ZNF490: variants seen among roughly 807,000 people sequenced by gnomAD.
The protein encoded by ZNF490 is zinc finger protein 490.
Under a neutral mutation model 17.7 loss-of-function variants are expected in ZNF490, and 11 were observed. The ratio of observed to expected loss-of-function variants is 0.62; its 90% CI spans 0.39 to 1.03. The LOEUF is 1.03. Ranked by LOEUF, ZNF490 falls within the 50% of genes least tolerant of loss-of-function variation. The pLI, the probability that ZNF490 is intolerant of heterozygous loss-of-function variation, is 0.00. For synonymous variants in ZNF490, 222 were observed against 216.1 expected, an observed-to-expected ratio of 1.03 and a Z score of -0.24; for missense variants, 542 against 643.4, an observed-to-expected ratio of 0.84 and a Z score of 1.71.
chr19:12,583,045 ATTTTT>A (rs142050281), intron 3 of ZNF490, 135 bp from the exon 4 acceptor site: 10 of 590,186 alleles, frequency 1.7e-5, no homozygotes, highest in East Asian at 3.3e-5. Context: ...CTCTTCCCAC[ATTTTT>A]TTTTTTTTTT....
chr19:12,597,070 G>T (rs1293478724), intron 2 of ZNF490: 4 of 456,648 alleles, frequency 8.8e-6, no homozygotes, highest in Non-Finnish European at 1.8e-5. Context: ...AGCTGCGCCA[G>T]GGGGACTCGG....
At chr19:12,598,607 T>C (rs55868075) in intron 2 of ZNF490, among the ~76,000 whole-genome samples, 9 of 150,540 alleles carry the variant, frequency 6.0e-5, no homozygotes, top group African/African-American at 2.2e-4. Context: ...CTCCCAACCT[T>C]AGGTTGGGAT....
Position 12,578,402 on chromosome 19 carries a change from G to A in ZNF490, c.*2083C>T. ...GGAGAGTGGATGCTGTGTGGTCAAG[G>A]GGTGTGTGTCCCATGATACAGGCTC... is the stretch of plus-strand genomic sequence containing the variant. On this transcript the variant is annotated 3_prime_UTR_variant, in exon 5 of 5. Coordinates refer to ENST00000311437, the MANE Select transcript of ZNF490 (RefSeq NM_020714.3). 3.0e-6 allele frequency: 3 copies of A among 985,524 alleles called. No individual in the cohort carries two copies. The highest frequency in any genetic ancestry group is 3.6e-6 in the Non-Finnish European group (3 of 830,002). The allele number at this position is 985,524 out of a possible 1,614,324, so 61.0% of individuals were successfully genotyped here.
At position 12,585,032 on chromosome 19, in the gene ZNF490, C is replaced by G. The variant is rs1181977872; in HGVS notation, c.163-1476G>C. On this transcript the variant is annotated intron_variant, in intron 2 of 4. Coordinates refer to ENST00000311437, the MANE Select transcript of ZNF490 (RefSeq NM_020714.3). ...CAGGCAAAGCTGTGTAACTCTCAAGCACTTGTGAAGTGGCTTCGGAGAGCA... is the reference window on the plus strand; with the variant it reads ...CAGGCAAAGCTGTGTAACTCTCAAGGACTTGTGAAGTGGCTTCGGAGAGCA... Among the ~76,000 whole-genome samples the G allele has an allele frequency of 3.2e-5, 3 of 93,638 alleles. 1 individual carries two copies. The highest frequency in any genetic ancestry group is 4.1e-4 in the East Asian group (2 of 4,876). The allele number at this position is 93,638 out of a possible 152,430, so 61.4% of individuals were successfully genotyped here. A position where few individuals can be genotyped will look rare whatever the true frequency, so the allele number is the denominator to read the frequency against.
In ZNF490 at chr19:12,609,534, A is replaced by G. The variant is rs192059511; in HGVS notation, c.118-332T>C. Among the ~76,000 whole-genome samples, 136 of 152,258 alleles carry G rather than the reference A, an allele frequency of 8.9e-4. 2 individuals carry two copies. The highest frequency in any genetic ancestry group is 1.1e-3 in the Admixed American group (17 of 15,268). Reference sequence around the variant, plus strand: ...CCGAAGGAGCTAGGACTACAGGTGAACACCATACCCAGCTAATTTTTAAAA... The same window carrying G: ...CCGAAGGAGCTAGGACTACAGGTGAGCACCATACCCAGCTAATTTTTAAAA... On this transcript the variant is annotated intron_variant, in intron 1 of 4. Transcript: ENST00000311437.
chr19:12,606,732 T>C (rs2023072629), intron 2 of ZNF490, among the ~76,000 whole-genome samples: 1 of 152,132 alleles, frequency 6.6e-6, no homozygotes, highest in South Asian at 2.1e-4. Context: ...GGAAGATTTT[T>C]ATTTTAATGA....
intron 2 of ZNF490, among the ~76,000 whole-genome samples, chr19:12,601,966 C>G (rs956874872): frequency 1.3e-5 from 2 of 151,478 alleles, no homozygotes; most frequent in Non-Finnish European, 2.9e-5. Flanking sequence ...TGCACTCCAG[C>G]CTGGGCGAGA....
intron 2 of ZNF490, among the ~76,000 whole-genome samples, chr19:12,589,637 G>GT (rs1462656900): frequency 2.7e-5 from 4 of 150,096 alleles, no homozygotes; most frequent in African/African-American, 9.8e-5. Context: ...GCTATTCAGA[G>GT]GCGCCGTCAT....
At chr19:12,605,665 A>T (rs1482739001) in intron 2 of ZNF490, among the ~76,000 whole-genome samples, 2 of 152,114 alleles carry the variant, frequency 1.3e-5, no homozygotes, top group African/African-American at 4.8e-5. Context: ...ATTTGCAGTG[A>T]GGGGCATTCT....
At chr19:12,590,157 C>G (rs550350681) in intron 2 of ZNF490, among the ~76,000 whole-genome samples, 3 of 151,804 alleles carry the variant, frequency 2.0e-5, no homozygotes, top group African/African-American at 7.3e-5. Context: ...CCTTGTGATA[C>G]GCCCGTCTCA....
chr19:12,588,816 C>G (rs1459514652), intron 2 of ZNF490, among the ~76,000 whole-genome samples: 1 of 152,158 alleles, frequency 6.6e-6, no homozygotes, highest in Non-Finnish European at 1.5e-5. Flanking sequence ...TGAAAACCCA[C>G]AAATATTTGG....
In ZNF490 at chr19:12,576,381, C is replaced by T. The variant is rs2022635072; in HGVS notation, c.*4104G>A. Among the ~76,000 whole-genome samples, 1 of 151,968 alleles carries T rather than the reference C, an allele frequency of 6.6e-6. No individual in the cohort carries two copies. The highest frequency in any genetic ancestry group is 2.4e-5 in the African/African-American group (1 of 41,346). ...ACTAGCTCGGTATGGTGGCACGCGC[C>T]TGTAATCCCAGCTACTCAGGAGGCT... On this transcript the variant is annotated 3_prime_UTR_variant, in exon 5 of 5. Coordinates refer to ENST00000311437, the MANE Select transcript of ZNF490 (RefSeq NM_020714.3).
At chr19:12,595,167 G>C (rs929358630) in intron 2 of ZNF490, among the ~76,000 whole-genome samples, 1 of 151,866 alleles carries the variant, frequency 6.6e-6, no homozygotes, top group Admixed American at 6.6e-5. Flanking sequence ...TTGAGACCGA[G>C]TTTCGCTCTT....
intron 2 of ZNF490, among the ~76,000 whole-genome samples, chr19:12,606,285 T>C (rs1184258847): frequency 6.6e-6 from 1 of 151,816 alleles, no homozygotes; most frequent in Admixed American, 6.6e-5. Context: ...CTCCAACTCT[T>C]GGACTCAAGG....
chr19:12,584,629 G>C (rs1231591033), intron 2 of ZNF490, among the ~76,000 whole-genome samples: 2 of 94,196 alleles, frequency 2.1e-5, no homozygotes, highest in African/African-American at 6.4e-5. Context: ...GTCAAATCTG[G>C]ATGAGATTTT....
At chr19:12,582,158 C>G (rs553395319) in intron 4 of ZNF490, among the ~76,000 whole-genome samples, 1 of 152,282 alleles carries the variant, frequency 6.6e-6, no homozygotes, top group East Asian at 1.9e-4. Context: ...GCCTCAGCCT[C>G]CCAAAGTGCT....
intron 2 of ZNF490, among the ~76,000 whole-genome samples, chr19:12,583,809 ATATTTTTT>A (rs1230917293): frequency 5.7e-5 from 6 of 105,136 alleles, no homozygotes; most frequent in Admixed American, 1.1e-4. Context: ...ATATATATAT[ATATTTTTT>A]TTTTTTTTTT....
At position 12,600,695 on chromosome 19, in the gene ZNF490, T is replaced by G. The variant is rs546901756; in HGVS notation, c.162+8463A>C. Among the ~76,000 whole-genome samples the G allele has an allele frequency of 3.3e-4, 51 of 152,290 alleles. 1 individual carries two copies. The South Asian group carries it at 0.01, about 31-fold the overall frequency. On this transcript the variant is annotated intron_variant, in intron 2 of 4. Coordinates refer to ENST00000311437, the MANE Select transcript of ZNF490 (RefSeq NM_020714.3). ...ACCCTAAAACTTTGTCATCCATAAA[T>G]AATTGTTGTCTTGTCTTGGTCCTCT...
At position 12,580,245 on chromosome 19, in the gene ZNF490, A is replaced by G. The variant is rs12608649; in HGVS notation, c.*240T>C. 2.3e-6 allele frequency: 3 copies of G among 1,282,716 alleles called. No homozygotes were observed. Among genetic ancestry groups the G allele is most frequent in the East Asian group, 5.9e-5 (2 of 34,150 alleles). The allele number at this position is 1,282,716 out of a possible 1,614,324, so 79.5% of individuals were successfully genotyped here. On this transcript the variant is annotated 3_prime_UTR_variant, in exon 5 of 5. Transcript: ENST00000311437. ...GTGAAGGCTTTCCTACACTCCATACATTCGTAGCTTTTCTGTCCATGGAGT... is the reference window on the plus strand; with the variant it reads ...GTGAAGGCTTTCCTACACTCCATACGTTCGTAGCTTTTCTGTCCATGGAGT...
Sources: gnomAD v4.1 joint callset for allele counts (sites outside exome capture counted in the v4.1 genomes callset) on GRCh38, gnomAD v4.1.1 for gene constraint, MANE v1.5 for transcripts, NCBI Gene and HGNC (gene_info 2026-07-23, HGNC 2026-07-21) for gene names.